CTNNA2: variants seen among roughly 807,000 people sequenced by gnomAD.
CTNNA2 encodes catenin alpha-2.
In CTNNA2, 42 loss-of-function variants were observed where a neutral mutation model predicts 101.0. That is an observed-to-expected ratio of 0.42 (90% CI 0.32 to 0.54). CTNNA2 has a LOEUF of 0.54. Ranked by LOEUF, CTNNA2 falls within the 20% of genes least tolerant of loss-of-function variation. The pLI is 0.14. For synonymous variants in CTNNA2, 450 were observed against 456.4 expected (o/e 0.99, Z 0.18); for missense variants, 871 against 1,223.1 (o/e 0.71, Z 4.29).
At chr2:80,240,195 A>C (rs2149089615) in intron 7 of CTNNA2, among the ~76,000 whole-genome samples, 1 of 152,340 alleles carries the variant, frequency 6.6e-6, no homozygotes, top group African/African-American at 2.4e-5. Flanking sequence ...GTATTAGAGA[A>C]GGATGAACAA....
chr2:79,549,630 A>G (rs1673965064), intron 1 of CTNNA2, among the ~76,000 whole-genome samples: 1 of 152,290 alleles, frequency 6.6e-6, no homozygotes. Context: ...AAGCTATATT[A>G]ATTTGTCATA....
At chr2:79,601,735 A>G (rs1311481491) in intron 1 of CTNNA2, among the ~76,000 whole-genome samples, 2 of 152,238 alleles carry the variant, frequency 1.3e-5, no homozygotes, top group East Asian at 3.8e-4. Context: ...GAAGACTTCC[A>G]TAGGAGTTAA....
intron 1 of CTNNA2, among the ~76,000 whole-genome samples, chr2:79,518,882 T>G (rs534553890): frequency 6.6e-6 from 1 of 151,674 alleles, no homozygotes; most frequent in African/African-American, 2.4e-5. Context: ...CAAAATATGT[T>G]TTTTTTTTCT....
At chr2:79,430,189 T>G (rs1415426204) in intron 4 of CTNNA2, among the ~76,000 whole-genome samples, 2 of 152,096 alleles carry the variant, frequency 1.3e-5, no homozygotes, top group Non-Finnish European at 2.9e-5. Flanking sequence ...CTCTGAGTGA[T>G]GATCATTTGA....
At chr2:79,636,900 T>C (rs1558791177) in intron 1 of CTNNA2, 1 of 152,182 alleles carries the variant, frequency 6.6e-6, no homozygotes, top group Non-Finnish European at 1.5e-5. Flanking sequence ...TTGTCATTCT[T>C]CCCCGAGACC....
In CTNNA2 at chr2:79,386,309, C is replaced by G. The variant is rs958843565; in HGVS notation, c.-135+12296C>G. ...AACTGCTAAGTCAAAATCCTCACAT[C>G]TGGGACTCAGGAATCTTTTAGTAAG... On this transcript the variant is annotated intron_variant, in intron 4 of 21. Transcript: ENST00000466387. Among the ~76,000 whole-genome samples, 5 of 152,310 alleles carry G rather than the reference C, an allele frequency of 3.3e-5. No individual in the cohort carries two copies. The East Asian group carries it at 5.8e-4, about 18-fold the overall frequency.
chr2:79,713,689 G>C (rs1165913060), intron 2 of CTNNA2, among the ~76,000 whole-genome samples: 1 of 152,120 alleles, frequency 6.6e-6, no homozygotes, highest in Non-Finnish European at 1.5e-5. Context: ...AAGGTAAGCA[G>C]GGAGGTAGAT....
intron 4 of CTNNA2, among the ~76,000 whole-genome samples, chr2:79,376,037 A>G (rs1227000531): frequency 1.3e-5 from 2 of 152,198 alleles, no homozygotes; most frequent in African/African-American, 4.8e-5. Flanking sequence ...AAGCATGCCC[A>G]GAGAGCAGAA....
intron 4 of CTNNA2, among the ~76,000 whole-genome samples, chr2:79,415,483 G>T (rs551624981): frequency 6.6e-6 from 1 of 152,246 alleles, no homozygotes; most frequent in Admixed American, 6.6e-5. Flanking sequence ...ATTTGATCTT[G>T]AAACACCTAT....
Position 79,701,150 on chromosome 2 carries a change from C to T in CTNNA2, c.103-43237C>T, listed in dbSNP as rs530776060. Among the ~76,000 whole-genome samples, 6 of 152,200 alleles carry T rather than the reference C, an allele frequency of 3.9e-5. No individual in the cohort carries two copies. The South Asian group carries it at 1.2e-3, about 32-fold the overall frequency. On this transcript the variant is annotated intron_variant, in intron 2 of 18. Coordinates refer to ENST00000402739, the MANE Select transcript of CTNNA2 (RefSeq NM_001282597.3). ...TGTTGATAGCTTATTGTGTGTCAAC[C>T]ACTATGTTCCACTAGTATGAACACA... is the stretch of plus-strand genomic sequence containing the variant.
At chr2:79,665,565 G>T (rs1410683337) in intron 2 of CTNNA2, among the ~76,000 whole-genome samples, 2 of 152,132 alleles carry the variant, frequency 1.3e-5, no homozygotes, top group Non-Finnish European at 2.9e-5. Flanking sequence ...CTTCACTAAG[G>T]CAAGACACCA....
At chr2:80,355,315 T>C (rs1258196955) in intron 7 of CTNNA2, among the ~76,000 whole-genome samples, 1 of 152,206 alleles carries the variant, frequency 6.6e-6, no homozygotes, top group African/African-American at 2.4e-5. Context: ...AGAAGCCATC[T>C]AGAACAGATC....
intron 15 of CTNNA2, among the ~76,000 whole-genome samples, chr2:80,593,811 C>T (rs548656479): frequency 6.6e-6 from 1 of 152,242 alleles, no homozygotes; most frequent in East Asian, 1.9e-4. Context: ...AAATGCGTTT[C>T]CTTTTAAAGG....
chr2:79,836,197 G>A (rs1679354200), intron 3 of CTNNA2, among the ~76,000 whole-genome samples: 1 of 152,134 alleles, frequency 6.6e-6, no homozygotes, highest in Non-Finnish European at 1.5e-5. Flanking sequence ...CAGGGAGGCT[G>A]CTTTTTTTGC....
intron 3 of CTNNA2, chr2:79,340,116 A>T (rs1412922190): frequency 2.6e-5 from 4 of 152,188 alleles, no homozygotes; most frequent in Non-Finnish European, 5.9e-5. Flanking sequence ...TAGAGAAAAG[A>T]CTGAGAGGTC....
At chr2:80,020,069 G>A (rs1694446700) in intron 7 of CTNNA2, among the ~76,000 whole-genome samples, 2 of 152,112 alleles carry the variant, frequency 1.3e-5, no homozygotes, top group African/African-American at 4.8e-5. Context: ...AATTAGCCAG[G>A]TGCACCATTA....
At chr2:80,189,993 C>A (rs548393256) in intron 7 of CTNNA2, among the ~76,000 whole-genome samples, 98 of 146,804 alleles carry the variant, frequency 6.7e-4, no homozygotes, top group African/African-American at 2.5e-3. Flanking sequence ...TCAGAGGAAA[C>A]ATGAATGGGG....
chr2:79,401,410 TG>T (rs1255343404), intron 4 of CTNNA2, among the ~76,000 whole-genome samples: 2 of 151,684 alleles, frequency 1.3e-5, no homozygotes, highest in African/African-American at 2.4e-5. Context: ...TTGTCAATTA[TG>T]TAAAAGGGCT....
chr2:79,606,724 G>A (rs867596076), intron 1 of CTNNA2, among the ~76,000 whole-genome samples: 3 of 152,180 alleles, frequency 2.0e-5, no homozygotes, highest in African/African-American at 7.2e-5. Flanking sequence ...AGTATCACTC[G>A]AAAGTGTAGT....
Sources: gnomAD v4.1 joint callset for allele counts (sites outside exome capture counted in the v4.1 genomes callset) on GRCh38, gnomAD v4.1.1 for gene constraint, MANE v1.5 for transcripts, NCBI Gene and HGNC (gene_info 2026-07-23, HGNC 2026-07-21) for gene names.